The following FOXP1 variants were observed in gnomAD, a reference collection of about 807,000 sequenced individuals.
FOXP1 encodes forkhead box P1, also known as forkhead box protein P1.
Under a neutral mutation model 98.2 loss-of-function variants are expected in FOXP1, and 15 were observed. That is an observed-to-expected ratio of 0.15 (90% confidence interval 0.10 to 0.24). The LOEUF is 0.24. FOXP1 is among the 10% of genes least tolerant of loss of function. FOXP1 has a pLI of 1.00. For missense variants in FOXP1, 633 were observed against 848.5 expected, an observed-to-expected ratio of 0.75 and a Z score of 3.15; for synonymous variants, 371 against 314.5, an observed-to-expected ratio of 1.18 and a Z score of -1.90.
chr3:71,044,729 A>T (rs1326248591), intron 10 of FOXP1, among the ~76,000 whole-genome samples: 1 of 152,224 alleles, frequency 6.6e-6, no homozygotes, highest in African/African-American at 2.4e-5. Context: ...CCCCTTCATT[A>T]TAAAAGAAAA....
intron 6 of FOXP1, among the ~76,000 whole-genome samples, chr3:71,126,575 G>C (rs2059194190): frequency 6.6e-6 from 1 of 152,022 alleles, no homozygotes; most frequent in South Asian, 2.1e-4. Flanking sequence ...TGTAATCCCA[G>C]CACTTTGGGA....
chr3:71,274,641 AAC>A (rs1444165953), intron 5 of FOXP1, among the ~76,000 whole-genome samples: 1 of 152,226 alleles, frequency 6.6e-6, no homozygotes, highest in Non-Finnish European at 1.5e-5. Flanking sequence ...TATTTTCGAT[AAC>A]ACAGTGATCC....
At position 71,186,966 on chromosome 3, in the gene FOXP1, C is replaced by T. The variant is rs1010263999; in HGVS notation, c.180+11236G>A. Among the ~76,000 whole-genome samples, 3 of 152,332 alleles carry T rather than the reference C, an allele frequency of 2.0e-5. No homozygotes were observed. The East Asian group carries it at 5.8e-4, about 29-fold the overall frequency. Reference sequence around the variant, plus strand: ...TTGCAACAACTCACCTCTGCTGCTGCAGCATGAACGCAGTTATAGGCAACA... The same window carrying T: ...TTGCAACAACTCACCTCTGCTGCTGTAGCATGAACGCAGTTATAGGCAACA... On this transcript the variant is annotated intron_variant, in intron 6 of 20. Transcript: ENST00000649528.
In FOXP1 at chr3:71,487,357, C is replaced by T. The variant is rs561205933; in HGVS notation, c.-168+6069G>A. On this transcript the variant is annotated intron_variant, in intron 3 of 20. Coordinates refer to ENST00000649528, the MANE Select transcript of FOXP1 (RefSeq NM_001349338.3). The stretch of plus-strand genomic sequence containing the variant: ...ACGGGCATGAGCCACAGCACCCAGC[C>T]CAGATTCTTTCATTAATATGTGAAA... Among the ~76,000 whole-genome samples the T allele has an allele frequency of 2.4e-4, 36 of 152,242 alleles. No individual in the cohort carries two copies. The South Asian group carries it at 6.8e-3, about 29-fold the overall frequency.
At chr3:71,044,416 C>T (rs1440967396) in intron 10 of FOXP1, among the ~76,000 whole-genome samples, 1 of 152,004 alleles carries the variant, frequency 6.6e-6, no homozygotes, top group African/African-American at 2.4e-5. Flanking sequence ...ATTAAAGAGA[C>T]CAGGGTGAAA....
intron 5 of FOXP1, chr3:71,276,399 A>C (rs1249572347): frequency 6.6e-6 from 1 of 152,064 alleles, no homozygotes; most frequent in Non-Finnish European, 1.5e-5. Context: ...TTCCCTGAAA[A>C]ATCTAGGATG....
intron 20 of FOXP1, among the ~76,000 whole-genome samples, chr3:70,965,635 T>C (rs573087188): frequency 1.3e-5 from 2 of 152,240 alleles, no homozygotes; most frequent in African/African-American, 2.4e-5. Flanking sequence ...TGGGATGTGA[T>C]AAAGCAGAGG....
At chr3:70,988,125 G>C in intron 13 of FOXP1, 48 bp from the exon 14 acceptor site, 2 of 1,485,948 alleles carry the variant, frequency 1.3e-6, no homozygotes, top group Non-Finnish European at 1.9e-6. Context: ...AAGATGCATG[G>C]CTCTTAACAC....
chr3:71,167,692 C>T (rs772365011), intron 6 of FOXP1, among the ~76,000 whole-genome samples: 1 of 152,176 alleles, frequency 6.6e-6, no homozygotes, highest in Non-Finnish European at 1.5e-5. Context: ...TACTGCCCTG[C>T]AGTTATTTTA....
intron 3 of FOXP1, among the ~76,000 whole-genome samples, chr3:71,456,455 T>C (rs548018836): frequency 2.0e-5 from 3 of 152,300 alleles, no homozygotes; most frequent in African/African-American, 4.8e-5. Flanking sequence ...TGATATTTCA[T>C]ATACATATTG....
At chr3:71,307,858 A>G (rs1219100091) in intron 4 of FOXP1, among the ~76,000 whole-genome samples, 1 of 152,212 alleles carries the variant, frequency 6.6e-6, no homozygotes, top group East Asian at 1.9e-4. Flanking sequence ...TTATACAATT[A>G]TAGGTAGTAT....
At chr3:71,514,585 T>C (rs902720646) in intron 2 of FOXP1, among the ~76,000 whole-genome samples, 1 of 152,224 alleles carries the variant, frequency 6.6e-6, no homozygotes, top group African/African-American at 2.4e-5. Flanking sequence ...GACTGAACAA[T>C]TGAATAGATG....
intron 2 of FOXP1, among the ~76,000 whole-genome samples, chr3:71,528,700 C>A (rs1046187484): frequency 6.6e-6 from 1 of 151,990 alleles, no homozygotes; most frequent in Admixed American, 6.6e-5. Flanking sequence ...ACTACTTGAA[C>A]AAGAAAAAGA....
At chr3:71,028,978 G>A (rs576172458) in intron 11 of FOXP1, among the ~76,000 whole-genome samples, 7 of 152,310 alleles carry the variant, frequency 4.6e-5, no homozygotes, top group East Asian at 1.9e-4. Flanking sequence ...TAATGTGAGC[G>A]ATGGGGAGCG....
At chr3:71,322,163 A>G (rs559716768) in intron 4 of FOXP1, among the ~76,000 whole-genome samples, 2 of 152,364 alleles carry the variant, frequency 1.3e-5, no homozygotes, top group South Asian at 4.1e-4. Flanking sequence ...AGGGAACACC[A>G]TTCTGTACTA....
intron 6 of FOXP1, among the ~76,000 whole-genome samples, chr3:71,166,215 C>T (rs1560050464): frequency 6.6e-6 from 1 of 152,248 alleles, no homozygotes; most frequent in East Asian, 1.9e-4. Flanking sequence ...GAAAAGGCAG[C>T]CCTTGCCTTC....
intron 11 of FOXP1, among the ~76,000 whole-genome samples, chr3:71,017,396 A>C (rs1333584196): frequency 6.6e-6 from 1 of 151,942 alleles, no homozygotes; most frequent in Non-Finnish European, 1.5e-5. Flanking sequence ...AGAAAAGAAA[A>C]ATATTCCAAC....
intron 4 of FOXP1, among the ~76,000 whole-genome samples, chr3:71,354,150 C>CAAAA (rs541215729): frequency 0.013 from 1,624 of 129,058 alleles, 35 homozygotes; most frequent in African/African-American, 0.046. Context: ...ATTAAAAATA[C>CAAAA]AAAAAAAAAA....
chr3:71,043,407 T>G (rs918967446), intron 10 of FOXP1, among the ~76,000 whole-genome samples: 9 of 152,186 alleles, frequency 5.9e-5, no homozygotes, highest in African/African-American at 2.2e-4. Flanking sequence ...TGTCCGGTTT[T>G]GCTGCATCTG....
Sources: gnomAD v4.1 joint callset for allele counts (sites outside exome capture counted in the v4.1 genomes callset) on GRCh38, gnomAD v4.1.1 for gene constraint, MANE v1.5 for transcripts, NCBI Gene and HGNC (gene_info 2026-07-23, HGNC 2026-07-21) for gene names.